Variants in KAZN observed in about 807,000 individuals in gnomAD.
KAZN encodes the protein kazrin, periplakin interacting protein, also known as kazrin.
KAZN carries 40 observed loss-of-function variants against 87.4 expected under a neutral mutation model. The observed-to-expected ratio is 0.46, with a 90% CI of 0.36 to 0.60. The LOEUF (loss-of-function observed/expected upper bound fraction) is 0.60. KAZN is among the 20% of genes least tolerant of loss of function. The probability of loss-of-function intolerance (pLI) is 0.00; values close to 1 mark genes in which losing one functional copy is unlikely to be tolerated. For missense variants in KAZN, 898 were observed against 1,073.9 expected, an observed-to-expected ratio of 0.84 and a Z score of 2.29; for synonymous variants, 466 against 458.3, an observed-to-expected ratio of 1.02 and a Z score of -0.22.
intron 2 of KAZN, among the ~76,000 whole-genome samples, chr1:14,470,392 A>C (rs1320753399): frequency 6.6e-6 from 1 of 152,226 alleles, no homozygotes. Context: ...GGCACAAGAA[A>C]GAAGGCAAGA....
chr1:13,955,127 A>G (rs77122562), intron 1 of KAZN, among the ~76,000 whole-genome samples: 56 of 152,320 alleles, frequency 3.7e-4, no homozygotes, highest in African/African-American at 1.2e-3. Flanking sequence ...ATTTCTTGAC[A>G]TATCAGCTCT....
intron 2 of KAZN, among the ~76,000 whole-genome samples, chr1:15,009,446 C>T (rs567967731): frequency 5.9e-5 from 9 of 152,328 alleles, no homozygotes; most frequent in Non-Finnish European, 1.2e-4. Flanking sequence ...AGAGTCACAA[C>T]GCCAAGCACC....
At chr1:14,285,434 C>A (rs578153365) in intron 2 of KAZN, among the ~76,000 whole-genome samples, 1 of 152,302 alleles carries the variant, frequency 6.6e-6, no homozygotes, top group Non-Finnish European at 1.5e-5. Flanking sequence ...CAACATCTGG[C>A]CCTGAGAACT....
At chr1:14,313,346 T>G (rs1309101743) in intron 2 of KAZN, among the ~76,000 whole-genome samples, 1 of 152,194 alleles carries the variant, frequency 6.6e-6, no homozygotes, top group Non-Finnish European at 1.5e-5. Flanking sequence ...CACTGGAGCC[T>G]GCCTTCTTTA....
At chr1:14,836,438 G>C (rs1324551153) in intron 1 of KAZN, among the ~76,000 whole-genome samples, 1 of 152,148 alleles carries the variant, frequency 6.6e-6, no homozygotes, top group Non-Finnish European at 1.5e-5. Context: ...GTTTTGTTGC[G>C]AGTGGCAAGT....
At chr1:14,913,453 GATATTT>G (rs1359070436) in intron 1 of KAZN, among the ~76,000 whole-genome samples, 12 of 152,200 alleles carry the variant, frequency 7.9e-5, no homozygotes, top group Non-Finnish European at 1.5e-4. Context: ...CAGTTCCAAA[GATATTT>G]AAATAACAAT....
chr1:14,423,158 C>G (rs1557711534), intron 2 of KAZN, among the ~76,000 whole-genome samples: 1 of 152,170 alleles, frequency 6.6e-6, no homozygotes, highest in Non-Finnish European at 1.5e-5. Context: ...TTCCTTGGAA[C>G]AGAATTTGAG....
chr1:15,105,821 G>A (rs1455664813), intron 13 of KAZN, among the ~76,000 whole-genome samples: 2 of 152,164 alleles, frequency 1.3e-5, no homozygotes, highest in Non-Finnish European at 2.9e-5. Flanking sequence ...TTCTCAAAGT[G>A]AGGCCCACCC....
intron 2 of KAZN, among the ~76,000 whole-genome samples, chr1:14,969,684 G>C (rs1664811857): frequency 6.6e-6 from 1 of 152,180 alleles, no homozygotes; most frequent in East Asian, 1.9e-4. Context: ...AATTGCCCAG[G>C]CTCTGTTGTT....
In KAZN at chr1:14,237,582, A is replaced by G. The variant is rs1040548704; in HGVS notation, c.249+56990A>G. Reference sequence around the variant, plus strand: ...AGAGAATACTCTGTTATAATGCAGCATAAATCACCTGTGAACGTGCTAGAG... The same window carrying G: ...AGAGAATACTCTGTTATAATGCAGCGTAAATCACCTGTGAACGTGCTAGAG... On this transcript the variant is annotated intron_variant, in intron 2 of 16. Transcript: ENST00000636203. Among the ~76,000 whole-genome samples, 91 of 152,300 alleles carry G rather than the reference A, an allele frequency of 6.0e-4. 3 individuals are homozygous for G. Among genetic ancestry groups the G allele is most frequent in the Non-Finnish European group, 1.2e-4 (8 of 68,020 alleles).
At chr1:15,062,402 A>G (rs1397039956) in intron 6 of KAZN, 1 of 152,578 alleles carries the variant, frequency 6.6e-6, no homozygotes, top group Non-Finnish European at 1.5e-5. Flanking sequence ...CCATTCATTA[A>G]TTCCCTCACT....
At chr1:14,875,190 G>A (rs1009177664) in intron 1 of KAZN, among the ~76,000 whole-genome samples, 2 of 151,902 alleles carry the variant, frequency 1.3e-5, no homozygotes, top group African/African-American at 4.8e-5. Context: ...AATTATCCCG[G>A]CATGATGGTG....
intron 1 of KAZN, among the ~76,000 whole-genome samples, chr1:14,049,512 C>T (rs1234778883): frequency 6.6e-6 from 1 of 152,060 alleles, no homozygotes; most frequent in African/African-American, 2.4e-5. Flanking sequence ...TACCTGCTGC[C>T]TACTGAACAA....
intron 2 of KAZN, among the ~76,000 whole-genome samples, chr1:14,419,981 G>A (rs916058570): frequency 5.9e-5 from 9 of 152,148 alleles, no homozygotes; most frequent in African/African-American, 1.7e-4. Context: ...GCCACTCCCG[G>A]CTCCGGCAGC....
chr1:14,641,968 C>T (rs1572114673), intron 1 of KAZN, among the ~76,000 whole-genome samples: 1 of 152,192 alleles, frequency 6.6e-6, no homozygotes, highest in African/African-American at 2.4e-5. Context: ...CAAACTCAGA[C>T]ATCAAGAAGA....
intron 2 of KAZN, among the ~76,000 whole-genome samples, chr1:14,510,308 G>C (rs1013945626): frequency 6.6e-6 from 1 of 151,796 alleles, no homozygotes; most frequent in Non-Finnish European, 1.5e-5. Flanking sequence ...AACCCAGGGG[G>C]TGGAGGTTGC....
intron 2 of KAZN, among the ~76,000 whole-genome samples, chr1:14,459,498 A>G (rs1667747323): frequency 1.3e-5 from 2 of 152,262 alleles, no homozygotes; most frequent in South Asian, 2.1e-4. Flanking sequence ...CATCGTTTTT[A>G]TCTATTATCC....
chr1:14,844,282 T>C (rs575146315), intron 1 of KAZN, among the ~76,000 whole-genome samples: 1 of 152,320 alleles, frequency 6.6e-6, no homozygotes, highest in East Asian at 1.9e-4. Context: ...TTTGCCTCTC[T>C]AAGCCTCAGT....
chr1:14,660,330 A>G (rs1228799810), intron 1 of KAZN, among the ~76,000 whole-genome samples: 1 of 152,024 alleles, frequency 6.6e-6, no homozygotes, highest in Non-Finnish European at 1.5e-5. Flanking sequence ...TTTCACATGT[A>G]TTTTCTCATT....
Sources: allele counts gnomAD v4.1 joint callset (sites outside exome capture counted in the v4.1 genomes callset), GRCh38; gene constraint gnomAD v4.1.1; transcripts MANE v1.5; gene names NCBI Gene and HGNC (gene_info 2026-07-23, HGNC 2026-07-21).